LRRC41: variants seen among roughly 807,000 people sequenced by gnomAD.
The protein encoded by LRRC41 is leucine rich repeat containing 41, also known as leucine-rich repeat-containing protein 41.
Under a neutral mutation model 72.1 loss-of-function variants are expected in LRRC41, and 17 were observed. The ratio of observed to expected loss-of-function variants is 0.24; its 90% CI spans 0.16 to 0.35. The LOEUF is 0.35. LRRC41 is among the 10% of genes least tolerant of loss of function. The pLI is 1.00. For synonymous variants in LRRC41, 427 were observed against 431.0 expected (o/e 0.99, Z 0.11); for missense variants, 759 against 1,065.0 (o/e 0.71, Z 4.00).
chr1:46,286,623 A>C lies in LRRC41; in HGVS notation c.358-124T>G. 1 of 907,822 alleles carries C rather than the reference A, an allele frequency of 1.1e-6. No homozygotes were observed. Among genetic ancestry groups the C allele is most frequent in the Non-Finnish European group, 1.6e-6 (1 of 611,342 alleles). The allele number at this position is 907,822 out of a possible 1,614,324, so 56.2% of individuals were successfully genotyped here. On this transcript the variant is annotated intron_variant, in intron 3 of 9. Coordinates refer to ENST00000617190, the MANE Select transcript of LRRC41 (RefSeq NM_006369.5). The surrounding 1 kb of genome is among the most constrained non-coding windows in gnomAD (Gnocchi z 5.5). Reference sequence around the variant, plus strand: ...CACTACAAATTCATTTAATCTTCACATCTCTGAGGTATGTATTATTATTAG... The same window carrying C: ...CACTACAAATTCATTTAATCTTCACCTCTCTGAGGTATGTATTATTATTAG...
At chr1:46,298,526 ACT>A in intron 1 of LRRC41, 156 bp from the exon 2 acceptor site, 1 of 503,688 alleles carries the variant, frequency 2.0e-6, no homozygotes, top group Non-Finnish European at 3.5e-6. Flanking sequence ...TCTGTTCCAA[ACT>A]CTAGTCCACT....
chr1:46,292,281 A>G (rs991730983), intron 3 of LRRC41, among the ~76,000 whole-genome samples: 1 of 151,794 alleles, frequency 6.6e-6, no homozygotes, highest in Non-Finnish European at 1.5e-5. Context: ...AAATTATTGT[A>G]GAGATGGGGT....
chr1:46,285,277 G>T lies in LRRC41; in HGVS notation c.1495+85C>A. 1 of 1,381,488 alleles carries T rather than the reference G, an allele frequency of 7.2e-7. No individual in the cohort carries two copies. 85.6% of individuals were successfully genotyped at this position (1,381,488 alleles called of 1,614,324 possible). On this transcript the variant is annotated intron_variant, in intron 4 of 9. Coordinates refer to ENST00000617190, the MANE Select transcript of LRRC41 (RefSeq NM_006369.5). The surrounding 1 kb of genome is among the most constrained non-coding windows in gnomAD (Gnocchi z 5.3). ...AACCTCCTGATCATACCCCCAATTT[G>T]CCCCTCCCACCTCCCTAGAATTAGG... is the stretch of plus-strand genomic sequence containing the variant.
At chr1:46,288,235 C>T (rs1173447883) in intron 3 of LRRC41, among the ~76,000 whole-genome samples, 2 of 152,098 alleles carry the variant, frequency 1.3e-5, no homozygotes, top group Non-Finnish European at 2.9e-5. Context: ...AGACAGGTAC[C>T]AGACCCCAAA....
In LRRC41 at chr1:46,303,377, G is replaced by A. The variant is rs758099179; in HGVS notation, c.-55C>T. 1.7e-4 allele frequency: 241 copies of A among 1,443,518 alleles called. No individual in the cohort carries two copies. The highest frequency in any genetic ancestry group is 2.1e-4 in the Non-Finnish European group (226 of 1,094,546). 89.4% of individuals were successfully genotyped at this position (1,443,518 alleles called of 1,614,324 possible). ...CGCCCGCGGACCGCCATCTTGAAAA[G>A]GTCAGCAGTTAGGACGGCTCCATAA... On this transcript the variant is annotated 5_prime_UTR_variant, in exon 1 of 10. Coordinates refer to ENST00000617190, the MANE Select transcript of LRRC41 (RefSeq NM_006369.5).
chr1:46,287,045 C>T (rs1472686328), intron 3 of LRRC41, among the ~76,000 whole-genome samples: 3 of 151,860 alleles, frequency 2.0e-5, no homozygotes, highest in South Asian at 2.1e-4. Context: ...TCAAGTGTTC[C>T]GTCCGCCTTG....
intron 4 of LRRC41, among the ~76,000 whole-genome samples, chr1:46,283,521 T>C (rs573605646): frequency 5.3e-4 from 80 of 152,016 alleles, no homozygotes; most frequent in Non-Finnish European, 1.1e-3. Context: ...GGTTATGAAG[T>C]TGTCATGTCT....
At position 46,302,236 on chromosome 1, in the gene LRRC41, C is replaced by T. The variant is rs1661249878; in HGVS notation, c.199+888G>A. ...CTTGGCGGCGCCGCGCCCCCTGCCACGGCAGCCCGGCAGTCCGGGATCCCC... is the reference window on the plus strand; with the variant it reads ...CTTGGCGGCGCCGCGCCCCCTGCCATGGCAGCCCGGCAGTCCGGGATCCCC... On this transcript the variant is annotated intron_variant, in intron 1 of 9. Coordinates refer to ENST00000617190, the MANE Select transcript of LRRC41 (RefSeq NM_006369.5). This position sits in a 1 kb window ranked among gnomAD's most constrained non-coding sequence, Gnocchi z 4.7. 1.0e-6 allele frequency: 1 copy of T among 985,248 alleles called. No individual in the cohort carries two copies. The highest frequency in any genetic ancestry group is 1.2e-6 in the Non-Finnish European group (1 of 829,902). 61.0% of individuals were successfully genotyped at this position (985,248 alleles called of 1,614,324 possible). A position where few individuals can be genotyped will look rare whatever the true frequency, so the allele number is the denominator to read the frequency against.
Position 46,279,187 on chromosome 1 carries a change from G to A in LRRC41, c.2214C>T (p.Asp738=). The A allele has an allele frequency of 1.2e-6, 2 of 1,614,136 alleles. No individual in the cohort carries two copies. The highest frequency in any genetic ancestry group is 1.3e-5 in the African/African-American group (1 of 75,036). Residue 738 remains aspartate, a synonymous_variant, in exon 9 of 10, where the codon GAC becomes GAT. Coordinates refer to ENST00000617190, the MANE Select transcript of LRRC41 (RefSeq NM_006369.5). This position sits in a 1 kb window ranked among gnomAD's most constrained non-coding sequence, Gnocchi z 4.5. ...EDSSSSLCQL[D]ISSNCIKPDG... ...TTGCCCCTCCCCTCATGTACCTGAT[G>A]TCCAGCTGACAGAGAGAGGAGGATG... is the stretch of plus-strand genomic sequence containing the variant.
intron 2 of LRRC41, 121 bp downstream of exon 2, chr1:46,298,163 G>A (rs1661160271): frequency 1.5e-6 from 1 of 670,976 alleles, no homozygotes. Flanking sequence ...AAAAATAGGT[G>A]TGAAGGTACT....
chr1:46,295,425 T>C (rs1661102151), intron 3 of LRRC41, among the ~76,000 whole-genome samples: 1 of 152,234 alleles, frequency 6.6e-6, no homozygotes, highest in Admixed American at 6.5e-5. Context: ...ATAAGCATTC[T>C]ATATTTATCT....
rs759368974 is a variant in LRRC41, at chr1:46,278,871, G to A, written c.2433C>T (p.Thr811=). The A allele has an allele frequency of 1.6e-5, 26 of 1,608,032 alleles. No individual in the cohort carries two copies. The South Asian group carries it at 2.5e-4, about 16-fold the overall frequency. ...CTGTGAGGTACGGGCCCCATCACATGGTGCTAACATAATCTGCGAAGGCCT... is the reference window on the plus strand; with the variant it reads ...CTGTGAGGTACGGGCCCCATCACATAGTGCTAACATAATCTGCGAAGGCCT... ...SSQAFADYVS[T]M is the part of the protein sequence containing the mutation. The change falls in exon 10 of 10, where the codon ACC becomes ACT. Residue 811 remains threonine (T), a synonymous_variant. Transcript: ENST00000617190.
At chr1:46,288,204 C>T (rs1660924325) in intron 3 of LRRC41, among the ~76,000 whole-genome samples, 1 of 152,112 alleles carries the variant, frequency 6.6e-6, no homozygotes, top group East Asian at 1.9e-4. Flanking sequence ...ACTGCTGATC[C>T]AGAAGGGCAC....
rs1282821039 is a variant in LRRC41, at chr1:46,303,594, C to T, written c.-272G>A. The T allele has an allele frequency of 6.0e-6, 6 of 992,336 alleles. No homozygotes were observed. Among genetic ancestry groups the T allele is most frequent in the African/African-American group, 3.2e-5 (2 of 61,580 alleles). The allele number at this position is 992,336 out of a possible 1,614,324, so 61.5% of individuals were successfully genotyped here. On this transcript the variant is annotated 5_prime_UTR_variant, in exon 1 of 10. Coordinates refer to ENST00000617190, the MANE Select transcript of LRRC41 (RefSeq NM_006369.5). ...ATCAGCTACCCCTAACCTCTGCCTG[C>T]GGCTGGTAGTACATGCCAATCTGAG...
rs1660880551 is a variant in LRRC41, at chr1:46,286,104, A to G, written c.753T>C (p.Ala251=). The G allele has an allele frequency of 1.9e-6, 3 of 1,613,988 alleles. No individual in the cohort carries two copies. In the African/African-American group the frequency reaches 4.0e-5, roughly 22 times the overall value. Residue 251 remains alanine, a synonymous_variant, in exon 4 of 10, where the codon GCT becomes GCC. Transcript: ENST00000617190. The surrounding 1 kb of genome is among the most constrained non-coding windows in gnomAD (Gnocchi z 5.5). ...ALFILILTMS[A]GFWQPGPGGP... is the part of the protein sequence containing the mutation. ...CACCAGGCCCTGGTTGCCAGAAGCC[A>G]GCACTCATGGTGAGAATAAGGATGA...
intron 2 of LRRC41, 63 bp downstream of exon 2, chr1:46,298,220 CG>C: frequency 8.5e-7 from 1 of 1,182,350 alleles, no homozygotes; most frequent in Non-Finnish European, 1.2e-6. Flanking sequence ...TAATATTTAC[CG>C]GAAGAACATT....
intron 3 of LRRC41, among the ~76,000 whole-genome samples, chr1:46,290,804 C>T (rs1279417036): frequency 4.0e-5 from 6 of 151,526 alleles, no homozygotes; most frequent in Non-Finnish European, 7.4e-5. Flanking sequence ...GACAGGGTTT[C>T]GCCATGTTGG....
At chr1:46,284,832 T>A (rs1482632805) in intron 4 of LRRC41, among the ~76,000 whole-genome samples, 1 of 152,148 alleles carries the variant, frequency 6.6e-6, no homozygotes, top group Admixed American at 6.5e-5. Flanking sequence ...CATAGTTGTA[T>A]GATTTGTCTC....
intron 3 of LRRC41, among the ~76,000 whole-genome samples, chr1:46,296,092 G>A (rs1375380791): frequency 6.6e-6 from 1 of 152,078 alleles, no homozygotes; most frequent in African/African-American, 2.4e-5. Context: ...CCTATCATAT[G>A]TGATCTATTT....
Sources: gnomAD v4.1 joint callset for allele counts (sites outside exome capture counted in the v4.1 genomes callset) on GRCh38, gnomAD v4.1.1 for gene constraint, Gnocchi (gnomAD v3.1) non-coding constraint, MANE v1.5 for transcripts, NCBI Gene and HGNC (gene_info 2026-07-23, HGNC 2026-07-21) for gene names.